Variants in WFS1 observed in about 807,000 individuals in gnomAD.
The protein encoded by WFS1 is wolframin ER transmembrane glycoprotein.
In WFS1, 90 loss-of-function variants were observed where a neutral mutation model predicts 68.5. That is an observed-to-expected ratio of 1.31 (90% CI 1.11 to 1.56). The LOEUF (loss-of-function observed/expected upper bound fraction) is 1.56, where lower values mean the gene tolerates loss of function less well. Among genes scored for constraint, WFS1 ranks in the 40% most tolerant of loss-of-function variants. The pLI, the probability that WFS1 is intolerant of heterozygous loss-of-function variation, is 0.00. For synonymous variants in WFS1, 860 were observed against 540.7 expected, an observed-to-expected ratio of 1.59 and a Z score of -8.19; for missense variants, 1,767 against 1,232.6, an observed-to-expected ratio of 1.43 and a Z score of -6.49.
At chr4:6,293,927 C>T (rs1730548302) in intron 6 of WFS1, among the ~76,000 whole-genome samples, 2 of 152,230 alleles carry the variant, frequency 1.3e-5, no homozygotes, top group South Asian at 2.1e-4. Context: ...CCCATGGTCA[C>T]CTCACAGCTC....
intron 1 of WFS1, among the ~76,000 whole-genome samples, chr4:6,271,593 C>T (rs1422810895): frequency 6.6e-6 from 1 of 152,166 alleles, no homozygotes; most frequent in Non-Finnish European, 1.5e-5. Flanking sequence ...GAAGTGGTAC[C>T]ACCACAGCCA....
rs1227064862 is a variant in WFS1 at position 6,302,055 on chromosome 4, C to T, written c.2260C>T (p.Leu754Phe). The T allele has an allele frequency of 7.4e-6, 12 of 1,612,784 alleles. No individual in the cohort carries two copies. Among genetic ancestry groups the T allele is most frequent in the South Asian group, 5.5e-5 (5 of 91,088 alleles). Reference protein sequence around the residue: ...PGNTSTAEEELCRLKLLAKHP... With the variant: ...PGNTSTAEEEFCRLKLLAKHP... ...CAACACCTCCACGGCCGAGGAGGAGCTCTGTCGCCTTAAGCTGCTGGCCAA... is the reference window on the plus strand; with the variant it reads ...CAACACCTCCACGGCCGAGGAGGAGTTCTGTCGCCTTAAGCTGCTGGCCAA... Residue 754 changes from leucine to phenylalanine, a missense_variant, in exon 8 of 8, where the codon CTC becomes TTC. By Grantham distance (22) the Leu-to-Phe change is conservative (BLOSUM62 0). Coordinates refer to ENST00000226760, the MANE Select transcript of WFS1 (RefSeq NM_006005.3).
chr4:6,294,933 C>A, intron 6 of WFS1, 108 bp from the exon 7 acceptor site: 2 of 1,584,378 alleles, frequency 1.3e-6, no homozygotes, highest in South Asian at 2.2e-5. Context: ...CCACTCAGCT[C>A]CTTTCTTAGC....
At chr4:6,285,690 T>A (rs1428363906) in intron 2 of WFS1, among the ~76,000 whole-genome samples, 1 of 152,166 alleles carries the variant, frequency 6.6e-6, no homozygotes, top group African/African-American at 2.4e-5. Context: ...TCCTGTCTCC[T>A]GTACACCTGG....
chr4:6,270,281 C>T (rs1729763390), intron 1 of WFS1, among the ~76,000 whole-genome samples: 1 of 151,506 alleles, frequency 6.6e-6, no homozygotes, highest in Non-Finnish European at 1.5e-5. Context: ...TCGCCTGGAG[C>T]CCCGCCGCGG....
chr4:6,301,453 G>GTCAT lies in WFS1; in HGVS notation c.1658_1659insTCAT (p.Leu554HisfsTer53). The stretch of plus-strand genomic sequence containing the variant: ...GTGGTCATCCTGCTGGAGTCCACCG[G>GTCAT]CCTGGGGCTGCTCCGCGCCTCCATC... On this transcript the variant is annotated frameshift_variant, in exon 8 of 8. Transcript: ENST00000226760. LOFTEE classifies it high-confidence loss of function. 3 of 1,612,472 alleles carry GTCAT rather than the reference G, an allele frequency of 1.9e-6. No homozygotes were observed. The highest frequency in any genetic ancestry group is 2.5e-6 in the Non-Finnish European group (3 of 1,180,036).
At chr4:6,273,663 T>C (rs2109105364) in intron 1 of WFS1, among the ~76,000 whole-genome samples, 1 of 152,332 alleles carries the variant, frequency 6.6e-6, no homozygotes, top group Admixed American at 6.5e-5. Context: ...GGGCTCACAG[T>C]GGCTGTAACA....
rs1414046424 is a variant in WFS1 at position 6,302,659 on chromosome 4, C to G, written c.*191C>G. The G allele has an allele frequency of 1.3e-6, 1 of 759,810 alleles. No individual in the cohort carries two copies. The highest frequency in any genetic ancestry group is 1.8e-5 in the South Asian group (1 of 54,484). The allele number at this position is 759,810 out of a possible 1,614,324, so 47.1% of individuals were successfully genotyped here. A position where few individuals can be genotyped will look rare whatever the true frequency, so the allele number is the denominator to read the frequency against. ...GAAGGCTGCTGTGTAGCTCTGTCCA[C>G]TCTGAATACCAAGTGTGTTGGGAAT... On this transcript the variant is annotated 3_prime_UTR_variant, in exon 8 of 8. Coordinates refer to ENST00000226760, the MANE Select transcript of WFS1 (RefSeq NM_006005.3).
rs369067749 is a variant in WFS1 at position 6,289,095 on chromosome 4, G to T, written c.424G>T (p.Val142Leu). The T allele has an allele frequency of 2.5e-6, 4 of 1,584,558 alleles. No individual in the cohort carries two copies. The highest frequency in any genetic ancestry group is 2.6e-6 in the Non-Finnish European group (3 of 1,165,888). ...LAAKQGRREAVKLLRRCLADR... is the reference protein window; with the variant it reads ...LAAKQGRREALKLLRRCLADR... The stretch of plus-strand genomic sequence containing the variant: ...CGCGAAGCAGGGCCGTCGCGAGGCT[G>T]TGAAGCTGCTTCGCCGGTGCTTGGC... Residue 142 changes from valine to leucine, a missense_variant, in exon 4 of 8, where the codon GTG becomes TTG. Transcript: ENST00000226760.
intron 7 of WFS1, among the ~76,000 whole-genome samples, chr4:6,299,638 G>T (rs1224969563): frequency 9.2e-6 from 1 of 108,422 alleles, no homozygotes; most frequent in Non-Finnish European, 1.9e-5. Flanking sequence ...GTAGGGGTGG[G>T]TTGCGTGTGT....
In WFS1 at chr4:6,300,872, C is replaced by A. The variant is rs1730861824; in HGVS notation, c.1077C>A (p.Ile359=). 1 of 1,614,034 alleles carries A rather than the reference C, an allele frequency of 6.2e-7. No individual in the cohort carries two copies. Among genetic ancestry groups the A allele is most frequent in the Non-Finnish European group, 8.5e-7 (1 of 1,180,032 alleles). Residue 359 remains isoleucine, a synonymous_variant, in exon 8 of 8, where the codon ATC becomes ATA. Transcript: ENST00000226760. ...ACCTGTCCTTCATCTCCATGGTGAT[C>A]TGCACCCTCAAGGTGTTCCAGGACA... ...IFYLSFISMV[I]CTLKVFQDSK...
intron 2 of WFS1, among the ~76,000 whole-genome samples, chr4:6,278,104 C>T (rs913158674): frequency 5.3e-5 from 8 of 152,252 alleles, no homozygotes; most frequent in African/African-American, 1.9e-4. Context: ...AGTTTCCCCT[C>T]TCCCTGAGGG....
At chr4:6,280,490 C>T (rs1225485531) in intron 2 of WFS1, among the ~76,000 whole-genome samples, 2 of 152,190 alleles carry the variant, frequency 1.3e-5, no homozygotes, top group Non-Finnish European at 2.9e-5. Flanking sequence ...CACCAAGCCT[C>T]ACTCAGCCAC....
intron 1 of WFS1, among the ~76,000 whole-genome samples, chr4:6,275,365 G>A (rs1729962670): frequency 6.6e-6 from 1 of 152,204 alleles, no homozygotes; most frequent in East Asian, 1.9e-4. Context: ...CAGCGTGTGG[G>A]TTCTACGTGC....
intron 6 of WFS1, among the ~76,000 whole-genome samples, chr4:6,293,836 G>A (rs1184584626): frequency 2.6e-5 from 4 of 152,164 alleles, no homozygotes; most frequent in Non-Finnish European, 2.9e-5. Flanking sequence ...TGTGTCAGAC[G>A]CCGTCCTGAA....
chr4:6,280,503 T>C (rs1730128813), intron 2 of WFS1, among the ~76,000 whole-genome samples: 1 of 152,180 alleles, frequency 6.6e-6, no homozygotes, highest in South Asian at 2.1e-4. Context: ...TCAGCCACCG[T>C]GACACGGCTG....
intron 7 of WFS1, among the ~76,000 whole-genome samples, chr4:6,296,335 G>A (rs549860738): frequency 1.4e-4 from 21 of 152,186 alleles, no homozygotes; most frequent in Non-Finnish European, 2.1e-4. Flanking sequence ...TGAGCCCCCC[G>A]AGTGCCCAGA....
At position 6,302,840 on chromosome 4, in the gene WFS1, G is replaced by A. The variant is rs529142806; in HGVS notation, c.*372G>A. On this transcript the variant is annotated 3_prime_UTR_variant, in exon 8 of 8. Coordinates refer to ENST00000226760, the MANE Select transcript of WFS1 (RefSeq NM_006005.3). ...CCTGTTCCCTCTTTCTTTCTTTTGT[G>A]TTGGATTTGTTTAAAAACCAAATAA... 1 of 331,402 alleles carries A rather than the reference G, an allele frequency of 3.0e-6. No individual in the cohort carries two copies. The highest frequency in any genetic ancestry group is 2.1e-5 in the African/African-American group (1 of 47,408). The allele number at this position is 331,402 out of a possible 1,614,324, so 20.5% of individuals were successfully genotyped here. A position where few individuals can be genotyped will look rare whatever the true frequency, so the allele number is the denominator to read the frequency against.
Position 6,300,692 on chromosome 4 carries a change from C to T in WFS1, c.897C>T (p.Ile299=). 1 of 1,614,026 alleles carries T rather than the reference C, an allele frequency of 6.2e-7. No homozygotes were observed. ...ACCCCCTGCACGCCATCATGGAGAT[C>T]AAGGAGTACCTGATTGACATGGCCT... is the stretch of plus-strand genomic sequence containing the variant. ...VKYPLHAIME[I]KEYLIDMASR... is the part of the protein sequence containing the mutation. The change falls in exon 8 of 8, where the codon ATC becomes ATT. Residue 299 remains isoleucine (I), a synonymous_variant. Coordinates refer to ENST00000226760, the MANE Select transcript of WFS1 (RefSeq NM_006005.3).
Sources: gnomAD v4.1 joint callset for allele counts (sites outside exome capture counted in the v4.1 genomes callset) on GRCh38, gnomAD v4.1.1 for gene constraint, MANE v1.5 for transcripts, NCBI Gene and HGNC (gene_info 2026-07-23, HGNC 2026-07-21) for gene names.